The following NIPSNAP1 variants were observed in gnomAD, a reference collection of about 807,000 sequenced individuals.
The protein encoded by NIPSNAP1 is nipsnap homolog 1.
NIPSNAP1 carries 25 observed loss-of-function variants against 49.2 expected under a neutral mutation model. The observed-to-expected ratio is 0.51, with a 90% CI of 0.37 to 0.71. The LOEUF (loss-of-function observed/expected upper bound fraction) is 0.71, where lower values mean the gene tolerates loss of function less well. Ranked by LOEUF, NIPSNAP1 falls within the 30% of genes least tolerant of loss-of-function variation. The pLI is 0.00. For missense variants in NIPSNAP1, 294 were observed against 361.0 expected (o/e 0.81, Z 1.50); for synonymous variants, 143 against 140.7 (o/e 1.02, Z -0.12).
chr22:29,557,088 T>A (rs890646932), intron 9 of NIPSNAP1, among the ~76,000 whole-genome samples: 1 of 151,956 alleles, frequency 6.6e-6, no homozygotes, highest in African/African-American at 2.4e-5. Flanking sequence ...GGGATGCCAA[T>A]ACTGTCAGTT....
chr22:29,564,502 C>G (rs548465949), intron 4 of NIPSNAP1: 1 of 440,214 alleles, frequency 2.3e-6, no homozygotes, highest in African/African-American at 2.0e-5. Flanking sequence ...CAACATCCAC[C>G]TCCTGGATTT....
chr22:29,574,633 G>T (rs2146616220), intron 1 of NIPSNAP1, among the ~76,000 whole-genome samples: 1 of 152,162 alleles, frequency 6.6e-6, no homozygotes, highest in Non-Finnish European at 1.5e-5. Flanking sequence ...ACAAAAATTA[G>T]CTGGGCATGG....
At chr22:29,564,793 G>A (rs553238612) in intron 4 of NIPSNAP1, among the ~76,000 whole-genome samples, 1 of 152,328 alleles carries the variant, frequency 6.6e-6, no homozygotes, top group South Asian at 2.1e-4. Flanking sequence ...TTAAAATGTA[G>A]ATTCTTGAAC....
chr22:29,570,267 G>C, intron 2 of NIPSNAP1, 60 bp from the exon 3 acceptor site: 2 of 1,603,602 alleles, frequency 1.2e-6, no homozygotes, highest in Non-Finnish European at 1.7e-6. Context: ...GAAGAACTTG[G>C]GGTGAGGGGA....
intron 1 of NIPSNAP1, 118 bp from the exon 2 acceptor site, chr22:29,570,650 CGGAG>C: frequency 7.4e-7 from 1 of 1,359,766 alleles, no homozygotes. Context: ...AACAGGGCCA[CGGAG>C]TCCTGTGGCA....
chr22:29,575,202 A>G (rs2064442179), intron 1 of NIPSNAP1, among the ~76,000 whole-genome samples: 1 of 152,210 alleles, frequency 6.6e-6, no homozygotes, highest in Non-Finnish European at 1.5e-5. Flanking sequence ...TCTAGAAAGG[A>G]CTAGACAGAG....
At position 29,561,633 on chromosome 22, in the gene NIPSNAP1, A is replaced by T. The variant is rs745690437; in HGVS notation, c.452T>A (p.Phe151Tyr). The T allele has an allele frequency of 1.9e-6, 3 of 1,613,934 alleles. No individual in the cohort carries two copies. In the East Asian group the frequency reaches 6.7e-5, roughly 36 times the overall value. The change falls in exon 6 of 10, where the codon TTC becomes TAC. Residue 151 changes from phenylalanine (F) to tyrosine (Y), a missense_variant. Phe to Tyr is a conservative substitution (Grantham distance 22). This residue lies in a region of NIPSNAP1 where 146 missense variants were observed against 219.9 expected (regional missense o/e 0.66). Transcript: ENST00000216121. ...KLKNNKEYLE[F>Y]RRERSQMLLS... ...CAGCATCTGGCTCCGCTCCCTTCGG[A>T]ACTCCAGGTACTCCTGTGGGCATGG... is the stretch of plus-strand genomic sequence containing the variant.
intron 2 of NIPSNAP1, 45 bp downstream of exon 2, chr22:29,570,360 G>T: frequency 6.2e-7 from 1 of 1,613,580 alleles, no homozygotes; most frequent in Non-Finnish European, 8.5e-7. Flanking sequence ...CAGGCCCCCA[G>T]AGCCCCTGAA....
At chr22:29,558,673 A>G (rs2064312900) in intron 9 of NIPSNAP1, among the ~76,000 whole-genome samples, 197 bp downstream of exon 9, 1 of 152,036 alleles carries the variant, frequency 6.6e-6, no homozygotes, top group African/African-American at 2.4e-5. Context: ...TGGCTATGTT[A>G]TCATCCCCTA....
rs149450664 is a variant in NIPSNAP1, at chr22:29,558,283, A to G, written c.790+587T>C. On this transcript the variant is annotated intron_variant, in intron 9 of 9. Transcript: ENST00000216121. The stretch of plus-strand genomic sequence containing the variant: ...TCAGGAGTTCGAGACCAGCTTGGCC[A>G]ACATGATAAAACCCCGTCTCTACTA... 2.9e-3 allele frequency among the ~76,000 whole-genome samples: 437 copies of G among 152,168 alleles called. 19 individuals are homozygous for G. The South Asian group carries it at 0.04, about 14-fold the overall frequency.
rs56971788 is a variant in NIPSNAP1 at position 29,574,779 on chromosome 22, CAA to C, written c.99-4249_99-4248del. Among the ~76,000 whole-genome samples, 130 of 102,690 alleles carry C rather than the reference CAA, an allele frequency of 1.3e-3. 1 individual carries two copies. The East Asian group carries it at 0.019, about 15-fold the overall frequency. The allele number at this position is 102,690 out of a possible 152,430, so 67.4% of individuals were successfully genotyped here. A position where few individuals can be genotyped will look rare whatever the true frequency, so the allele number is the denominator to read the frequency against. On this transcript the variant is annotated intron_variant, in intron 1 of 9. Coordinates refer to ENST00000216121, the MANE Select transcript of NIPSNAP1 (RefSeq NM_003634.4). ...GGGCTACAAGAGCGAAACTCTGTCT[CAA>C]AAAAAAAAAAAAAAAAAGACAATTA...
chr22:29,579,887 C>T (rs1291173990), intron 1 of NIPSNAP1: 9 of 358,710 alleles, frequency 2.5e-5, no homozygotes, highest in South Asian at 1.3e-4. Flanking sequence ...GCTTTTCCCA[C>T]GGTGTCAGCT....
At chr22:29,568,300 CAT>C (rs2146609658) in intron 4 of NIPSNAP1, among the ~76,000 whole-genome samples, 1 of 147,386 alleles carries the variant, frequency 6.8e-6, no homozygotes, top group African/African-American at 2.5e-5. Flanking sequence ...GCCTGACCAA[CAT>C]GTGAAACCCC....
intron 1 of NIPSNAP1, among the ~76,000 whole-genome samples, chr22:29,577,624 T>C (rs754370513): frequency 1.3e-5 from 2 of 151,228 alleles, no homozygotes; most frequent in Non-Finnish European, 2.9e-5. Context: ...TTCACCACGT[T>C]GGCCAGGTCG....
intron 8 of NIPSNAP1, among the ~76,000 whole-genome samples, chr22:29,560,334 A>C (rs1337823978): frequency 2.0e-5 from 3 of 146,452 alleles, no homozygotes; most frequent in African/African-American, 7.6e-5. Flanking sequence ...TGCAACCTCC[A>C]CCTCCCGGGT....
At chr22:29,564,875 T>C (rs1340097172) in intron 4 of NIPSNAP1, among the ~76,000 whole-genome samples, 2 of 152,034 alleles carry the variant, frequency 1.3e-5, no homozygotes, top group Non-Finnish European at 2.9e-5. Flanking sequence ...GTACAAAAAA[T>C]GTAGGGTATG....
chr22:29,558,821 C>T lies in NIPSNAP1; in HGVS notation c.790+49G>A, dbSNP rs756321145. ...CTAGATCTCCTTGCAGAGAGGATTC[C>T]ATCCTCAGACAGGGTTCTCAGCAGA... is the stretch of plus-strand genomic sequence containing the variant. On this transcript the variant is annotated intron_variant, in intron 9 of 9. Transcript: ENST00000216121. 9.6e-5 allele frequency: 127 copies of T among 1,324,654 alleles called. No individual in the cohort carries two copies. In the Admixed American group the frequency reaches 2.1e-3, roughly 22 times the overall value. The allele number at this position is 1,324,654 out of a possible 1,614,324, so 82.1% of individuals were successfully genotyped here. A position where few individuals can be genotyped will look rare whatever the true frequency, so the allele number is the denominator to read the frequency against.
intron 9 of NIPSNAP1, 121 bp downstream of exon 9, chr22:29,558,749 A>G: frequency 1.2e-6 from 1 of 802,734 alleles, no homozygotes; most frequent in Non-Finnish European, 2.2e-6. Flanking sequence ...CCATTAACTC[A>G]TTGTCTTAAA....
chr22:29,561,938 G>C, intron 4 of NIPSNAP1, 76 bp from the exon 5 acceptor site: 4 of 1,387,194 alleles, frequency 2.9e-6, no homozygotes, highest in Non-Finnish European at 4.1e-6. Context: ...TTGGCTAAGT[G>C]GTGGGGACGG....
Sources: allele counts gnomAD v4.1 joint callset (sites outside exome capture counted in the v4.1 genomes callset), GRCh38; gene constraint gnomAD v4.1.1; regional missense constraint gnomAD v4.1.1; transcripts MANE v1.5; gene names NCBI Gene and HGNC (gene_info 2026-07-23, HGNC 2026-07-21).